Variants in MRPS28 observed in about 807,000 individuals in gnomAD.
The protein encoded by MRPS28 is small ribosomal subunit protein bS1m.
Under a neutral mutation model 10.8 loss-of-function variants are expected in MRPS28, and 7 were observed. The observed-to-expected ratio is 0.65, with a 90% CI of 0.37 to 1.22. The LOEUF is 1.22. Ranked by LOEUF, MRPS28 falls within the 50% of genes most tolerant of loss-of-function variation. The pLI is 0.02. For missense variants in MRPS28, 265 were observed against 232.9 expected (o/e 1.14, Z -0.90); for synonymous variants, 121 against 93.3 (o/e 1.30, Z -1.71).
chr8:80,005,018 C>T (rs1468193007), intron 1 of MRPS28, among the ~76,000 whole-genome samples: 2 of 152,176 alleles, frequency 1.3e-5, no homozygotes, highest in Non-Finnish European at 2.9e-5. Flanking sequence ...GATTGGTGTA[C>T]CCAAAAGTGA....
intron 1 of MRPS28, among the ~76,000 whole-genome samples, chr8:80,012,212 G>T (rs960464502): frequency 6.6e-6 from 1 of 152,102 alleles, no homozygotes; most frequent in East Asian, 1.9e-4. Flanking sequence ...AAGAACCCTG[G>T]ATTAACACCT....
chr8:79,963,024 C>T (rs1016445623), intron 2 of MRPS28, among the ~76,000 whole-genome samples: 1 of 152,030 alleles, frequency 6.6e-6, no homozygotes, highest in Non-Finnish European at 1.5e-5. Context: ...GGCAATGAAA[C>T]ACAATGGATA....
intron 2 of MRPS28, among the ~76,000 whole-genome samples, chr8:79,978,616 G>A (rs1807863466): frequency 6.6e-6 from 1 of 152,108 alleles, no homozygotes; most frequent in South Asian, 2.1e-4. Context: ...GGATATAAGA[G>A]TAAGCTATGG....
intron 1 of MRPS28, among the ~76,000 whole-genome samples, chr8:80,004,453 C>A (rs560902215): frequency 6.6e-6 from 1 of 152,300 alleles, no homozygotes; most frequent in Admixed American, 6.5e-5. Flanking sequence ...AACTAACAAA[C>A]AGAAAGGACA....
At chr8:80,010,414 T>C (rs996613612) in intron 1 of MRPS28, among the ~76,000 whole-genome samples, 1 of 152,242 alleles carries the variant, frequency 6.6e-6, no homozygotes, top group African/African-American at 2.4e-5. Context: ...TATTTGTGAC[T>C]TAAGTTTAAT....
At chr8:79,946,412 G>A (rs926801944) in intron 2 of MRPS28, among the ~76,000 whole-genome samples, 4 of 151,930 alleles carry the variant, frequency 2.6e-5, no homozygotes, top group African/African-American at 9.7e-5. Flanking sequence ...AACCCTCCTA[G>A]CCAAAATAGT....
chr8:79,991,750 T>C (rs189445143), intron 2 of MRPS28, among the ~76,000 whole-genome samples: 9 of 152,332 alleles, frequency 5.9e-5, no homozygotes, highest in Non-Finnish European at 1.2e-4. Context: ...GTAAAATGCA[T>C]ACACAAACTC....
intron 2 of MRPS28, among the ~76,000 whole-genome samples, chr8:79,959,710 T>C (rs1176932165): frequency 1.6e-4 from 25 of 152,072 alleles, no homozygotes; most frequent in Admixed American, 1.6e-3. Flanking sequence ...ACCATCCAAA[T>C]AGCAAATCTA....
intron 2 of MRPS28, among the ~76,000 whole-genome samples, chr8:79,972,131 C>G (rs961194138): frequency 6.6e-6 from 1 of 152,080 alleles, no homozygotes; most frequent in African/African-American, 2.4e-5. Flanking sequence ...AGAAAATATT[C>G]AGGAATAAAA....
intron 2 of MRPS28, among the ~76,000 whole-genome samples, chr8:79,948,514 A>G (rs1806989001): frequency 6.6e-6 from 1 of 152,214 alleles, no homozygotes; most frequent in Non-Finnish European, 1.5e-5. Flanking sequence ...ATGAAGAGTA[A>G]AAAGTTAAAA....
chr8:79,964,947 C>T (rs1807467776), intron 2 of MRPS28, among the ~76,000 whole-genome samples: 1 of 152,076 alleles, frequency 6.6e-6, no homozygotes, highest in Non-Finnish European at 1.5e-5. Context: ...GTTCTTGAGT[C>T]TATGAAGATA....
chr8:79,978,712 A>G (rs949078496), intron 2 of MRPS28, among the ~76,000 whole-genome samples: 5 of 152,222 alleles, frequency 3.3e-5, no homozygotes, highest in Admixed American at 6.5e-5. Context: ...CTACAAAAAC[A>G]AAACAAAATA....
intron 1 of MRPS28, among the ~76,000 whole-genome samples, chr8:80,012,358 G>A (rs1809074035): frequency 6.6e-6 from 1 of 152,130 alleles, no homozygotes; most frequent in African/African-American, 2.4e-5. Context: ...CTGAATCCTA[G>A]GGCTTATGCC....
chr8:80,017,089 C>G (rs2130222919), intron 1 of MRPS28, among the ~76,000 whole-genome samples: 1 of 152,296 alleles, frequency 6.6e-6, no homozygotes, highest in Non-Finnish European at 1.5e-5. Context: ...GAATAGAAAT[C>G]ATGCAATGTC....
intron 2 of MRPS28, among the ~76,000 whole-genome samples, chr8:79,955,141 T>C (rs1807173029): frequency 6.6e-6 from 1 of 152,212 alleles, no homozygotes; most frequent in Non-Finnish European, 1.5e-5. Context: ...CTTGCCTTTC[T>C]ATAGACCCAG....
chr8:80,018,032 A>G (rs532168624), intron 1 of MRPS28, among the ~76,000 whole-genome samples: 128 of 152,290 alleles, frequency 8.4e-4, no homozygotes, highest in Non-Finnish European at 1.8e-3. Flanking sequence ...TCTCACGCCT[A>G]TAATCCCTGC....
At chr8:80,009,271 T>G (rs1350883165) in intron 1 of MRPS28, among the ~76,000 whole-genome samples, 1 of 152,044 alleles carries the variant, frequency 6.6e-6, no homozygotes, top group Non-Finnish European at 1.5e-5. Flanking sequence ...CAGCAGGGCT[T>G]GCTGTGGGGT....
chr8:80,010,676 G>A lies in MRPS28; in HGVS notation c.214-7496C>T, dbSNP rs150449604. On this transcript the variant is annotated intron_variant, in intron 1 of 2. Coordinates refer to ENST00000276585, the MANE Select transcript of MRPS28 (RefSeq NM_014018.3). Reference sequence around the variant, plus strand: ...ATAAAGTTTTCCATTTTACAAACCCGGCAAAACACATCCAGGTGTTGAATT... The same window carrying A: ...ATAAAGTTTTCCATTTTACAAACCCAGCAAAACACATCCAGGTGTTGAATT... Among the ~76,000 whole-genome samples, 375 of 152,252 alleles carry A rather than the reference G, an allele frequency of 2.5e-3. 1 individual carries two copies. Among genetic ancestry groups the A allele is most frequent in the Non-Finnish European group, 4.2e-3 (289 of 68,024 alleles).
chr8:80,005,275 A>C (rs1586091007), intron 1 of MRPS28, among the ~76,000 whole-genome samples: 4 of 152,360 alleles, frequency 2.6e-5, no homozygotes, highest in East Asian at 1.9e-4. Context: ...CCATCAGACT[A>C]ACAGCGGATC....
Sources: gnomAD v4.1 joint callset for allele counts (sites outside exome capture counted in the v4.1 genomes callset) on GRCh38, gnomAD v4.1.1 for gene constraint, MANE v1.5 for transcripts, NCBI Gene and HGNC (gene_info 2026-07-23, HGNC 2026-07-21) for gene names.